Variants in AGBL1 observed in about 807,000 individuals in gnomAD.
AGBL1 encodes AGBL carboxypeptidase 1, also known as cytosolic carboxypeptidase 4.
AGBL1 carries 130 observed loss-of-function variants against 118.9 expected under a neutral mutation model. That is an observed-to-expected ratio of 1.09 (90% CI 0.95 to 1.26). The LOEUF is 1.26. Ranked by LOEUF, AGBL1 falls within the 50% of genes most tolerant of loss-of-function variation. AGBL1 has a pLI of 0.00. For synonymous variants in AGBL1, 555 were observed against 478.9 expected (o/e 1.16, Z -2.08); for missense variants, 1,584 against 1,298.1 (o/e 1.22, Z -3.38).
At chr15:86,760,398 C>G (rs547096481) in intron 22 of AGBL1, among the ~76,000 whole-genome samples, 37 of 152,150 alleles carry the variant, frequency 2.4e-4, no homozygotes, top group African/African-American at 7.9e-4. Flanking sequence ...CCTACTTGCC[C>G]ATTCGTCATT....
In AGBL1 at chr15:86,797,741, A is replaced by G. The variant is rs74025494; in HGVS notation, c.3159-109346A>G. On this transcript the variant is annotated intron_variant, in intron 22 of 22. Transcript: ENST00000614907. ...TTGTAACATATTTAAAGCATGGGGC[A>G]GGGGTGGTGGGGAGGTGATCCATCA... Among the ~76,000 whole-genome samples, 554 of 152,266 alleles carry G rather than the reference A, an allele frequency of 3.6e-3. 6 individuals are homozygous for G. Among genetic ancestry groups the G allele is most frequent in the African/African-American group, 0.013 (522 of 41,544 alleles).
At chr15:86,478,018 A>G (rs1287083596) in intron 18 of AGBL1, among the ~76,000 whole-genome samples, 4 of 152,336 alleles carry the variant, frequency 2.6e-5, no homozygotes, top group African/African-American at 7.2e-5. Flanking sequence ...AAGGCCTTTG[A>G]CAAAATTCAA....
At chr15:86,750,695 A>G (rs923065185) in intron 22 of AGBL1, among the ~76,000 whole-genome samples, 1 of 151,746 alleles carries the variant, frequency 6.6e-6, no homozygotes, top group Non-Finnish European at 1.5e-5. Context: ...TGTGTAGGTA[A>G]TTGTGTCATG....
intron 17 of AGBL1, among the ~76,000 whole-genome samples, chr15:86,362,714 C>CA (rs1390953096): frequency 6.6e-6 from 1 of 152,166 alleles, no homozygotes; most frequent in Non-Finnish European, 1.5e-5. Flanking sequence ...CCCAGGCAGG[C>CA]AGGGCTGACT....
chr15:87,004,767 C>T (rs1477957902), intron 24 of AGBL1, among the ~76,000 whole-genome samples: 1 of 152,092 alleles, frequency 6.6e-6, no homozygotes, highest in East Asian at 1.9e-4. Flanking sequence ...TTAATTGATG[C>T]AGTTTCTTCC....
chr15:86,854,481 G>A, intron 22 of AGBL1, among the ~76,000 whole-genome samples: 1 of 152,130 alleles, frequency 6.6e-6, no homozygotes, highest in East Asian at 1.9e-4. Context: ...TTCCATCAGG[G>A]CTGCAGGGGA....
intron 18 of AGBL1, among the ~76,000 whole-genome samples, chr15:86,398,041 T>C (rs899225658): frequency 6.6e-6 from 1 of 152,230 alleles, no homozygotes; most frequent in African/African-American, 2.4e-5. Flanking sequence ...TATTAATATT[T>C]ACTACAGGGA....
Position 86,823,681 on chromosome 15 carries a change from C to T in AGBL1, c.3159-83406C>T, listed in dbSNP as rs151019790. ...TCCTAAGTAGGTAAGATTGGGATAG[C>T]GAGAAGCAAATATAAGACTGGACAG... On this transcript the variant is annotated intron_variant, in intron 22 of 22. Coordinates refer to ENST00000614907, the MANE Select transcript of AGBL1 (RefSeq NM_001386094.1). Among the ~76,000 whole-genome samples, 1,319 of 152,058 alleles carry T rather than the reference C, an allele frequency of 8.7e-3. 70 individuals are homozygous for T. The highest frequency in any genetic ancestry group is 0.08 in the Admixed American group (1,217 of 15,240).
intron 21 of AGBL1, among the ~76,000 whole-genome samples, chr15:86,593,095 A>G (rs1281770102): frequency 6.6e-6 from 1 of 152,146 alleles, no homozygotes; most frequent in Non-Finnish European, 1.5e-5. Flanking sequence ...GTTATAGTCT[A>G]CCAGTGTCAT....
chr15:86,404,877 A>G (rs1474615989), intron 18 of AGBL1, among the ~76,000 whole-genome samples: 2 of 152,128 alleles, frequency 1.3e-5, no homozygotes, highest in Non-Finnish European at 2.9e-5. Flanking sequence ...TGTGTTAGTT[A>G]TTCCCACTGT....
At chr15:86,113,233 TTTTCTTTTCTTTTCTTTTCTTTTCTTTC>T (rs1897520586) in intron 1 of AGBL1, among the ~76,000 whole-genome samples, 2 of 107,994 alleles carry the variant, frequency 1.9e-5, no homozygotes, top group Admixed American at 8.4e-5. Flanking sequence ...TTTTCTTTTC[TTTTCTTTTCTTTTCTTTTCTTTTCTTTC>T]TTTCTTTCTT....
chr15:87,018,688 C>G (rs2081631986), intron 24 of AGBL1, among the ~76,000 whole-genome samples: 1 of 151,788 alleles, frequency 6.6e-6, no homozygotes, highest in Non-Finnish European at 1.5e-5. Flanking sequence ...AGAACAGTGA[C>G]ACTATGAAGC....
rs538046247 is a variant in AGBL1, at chr15:86,833,693, A to G, written c.3159-73394A>G. On this transcript the variant is annotated intron_variant, in intron 22 of 22. Coordinates refer to ENST00000614907, the MANE Select transcript of AGBL1 (RefSeq NM_001386094.1). ...TGCTGGAATAGCCTGCTAAAGCTCA[A>G]ATAGAGCAGCATCTCAGAACAACAT... Among the ~76,000 whole-genome samples the G allele has an allele frequency of 2.6e-5, 4 of 152,274 alleles. No individual in the cohort carries two copies. In the South Asian group the frequency reaches 8.3e-4, roughly 32 times the overall value.
At chr15:86,710,601 G>A (rs868529597) in intron 22 of AGBL1, among the ~76,000 whole-genome samples, 1 of 152,290 alleles carries the variant, frequency 6.6e-6, no homozygotes, top group Non-Finnish European at 1.5e-5. Context: ...GGACCAGCTA[G>A]AAGAGGAAAC....
In AGBL1 at chr15:86,394,763, G is replaced by A. The variant is rs544935489; in HGVS notation, c.2375-2603G>A. 1.3e-3 allele frequency among the ~76,000 whole-genome samples: 203 copies of A among 152,198 alleles called. 1 individual carries two copies. The highest frequency in any genetic ancestry group is 4.8e-3 in the African/African-American group (198 of 41,556). Reference sequence around the variant, plus strand: ...AACTGGAGGAAGAAGAAGGGCGAAGGACAAGACACAAAAACCAAGTAGGCA... The same window carrying A: ...AACTGGAGGAAGAAGAAGGGCGAAGAACAAGACACAAAAACCAAGTAGGCA... On this transcript the variant is annotated intron_variant, in intron 17 of 22. Coordinates refer to ENST00000614907, the MANE Select transcript of AGBL1 (RefSeq NM_001386094.1).
In AGBL1 at chr15:86,401,284, G is replaced by C. The variant is rs139318504; in HGVS notation, c.2555+3738G>C. Reference sequence around the variant, plus strand: ...TGAGAACTGTCTATTCGTGTCCTTTGACCAGTTTTTGATGGGATTTTTTTT... The same window carrying C: ...TGAGAACTGTCTATTCGTGTCCTTTCACCAGTTTTTGATGGGATTTTTTTT... On this transcript the variant is annotated intron_variant, in intron 18 of 22. Coordinates refer to ENST00000614907, the MANE Select transcript of AGBL1 (RefSeq NM_001386094.1). Among the ~76,000 whole-genome samples, 865 of 152,050 alleles carry C rather than the reference G, an allele frequency of 5.7e-3. 6 individuals carry two copies. The highest frequency in any genetic ancestry group is 0.018 in the African/African-American group (741 of 41,498).
intron 5 of AGBL1, among the ~76,000 whole-genome samples, chr15:86,185,934 A>T (rs1307876015): frequency 6.6e-6 from 1 of 152,194 alleles, no homozygotes; most frequent in African/African-American, 2.4e-5. Flanking sequence ...GTTTCTTAAA[A>T]AGGGGATTCT....
intron 22 of AGBL1, among the ~76,000 whole-genome samples, chr15:86,777,450 A>G (rs2078274237): frequency 6.6e-6 from 1 of 150,728 alleles, no homozygotes; most frequent in African/African-American, 2.4e-5. Flanking sequence ...TTACAATATC[A>G]TCTTAGTCAT....
chr15:86,159,014 C>T lies in AGBL1; in HGVS notation c.476C>T (p.Thr159Ile), dbSNP rs759528910. The change falls in exon 5 of 23, where the codon ACC becomes ATC. Residue 159 changes from threonine (T) to isoleucine (I), a missense_variant. By Grantham distance (89) the Thr-to-Ile change is moderately conservative. Transcript: ENST00000614907. ...ATTACTCCTTACACCCGAAAGCGCA[C>T]CCAAGCAATCAGGTACAGAGTGCCA... is the stretch of plus-strand genomic sequence containing the variant. Reference protein sequence around the residue: ...KVITPYTRKRTQAIRAATEVL... With the variant: ...KVITPYTRKRIQAIRAATEVL... 5 of 1,613,142 alleles carry T rather than the reference C, an allele frequency of 3.1e-6. No homozygotes were observed. The highest frequency in any genetic ancestry group is 4.2e-6 in the Non-Finnish European group (5 of 1,179,272).
Sources: gnomAD v4.1 joint callset for allele counts (sites outside exome capture counted in the v4.1 genomes callset) on GRCh38, gnomAD v4.1.1 for gene constraint, MANE v1.5 for transcripts, NCBI Gene and HGNC (gene_info 2026-07-23, HGNC 2026-07-21) for gene names.